Variants in PDE4B observed in about 807,000 individuals in gnomAD.
The protein encoded by PDE4B is phosphodiesterase 4B, also known as 3',5'-cyclic-AMP phosphodiesterase 4B.
A neutral mutation model predicts 82.2 loss-of-function variants in PDE4B; 20 were observed. The ratio of observed to expected loss-of-function variants is 0.24; its 90% confidence interval spans 0.17 to 0.35. The LOEUF (loss-of-function observed/expected upper bound fraction) is 0.35, where lower values mean the gene tolerates loss of function less well. PDE4B is among the 10% of genes least tolerant of loss of function. The pLI is 1.00. For missense variants in PDE4B, 655 were observed against 907.2 expected (o/e 0.72, Z 3.57); for synonymous variants, 320 against 318.9 (o/e 1.00, Z -0.04).
chr1:66,210,167 C>T (rs1490014876), intron 3 of PDE4B, among the ~76,000 whole-genome samples: 2 of 152,184 alleles, frequency 1.3e-5, no homozygotes, highest in African/African-American at 4.8e-5. Flanking sequence ...GCCGTGTGCA[C>T]TGAGAAAAAT....
intron 3 of PDE4B, among the ~76,000 whole-genome samples, chr1:66,174,110 T>G (rs1445320480): frequency 6.6e-6 from 1 of 152,174 alleles, no homozygotes. Flanking sequence ...TTACTTTACC[T>G]ACAAATTTTT....
chr1:66,164,535 C>CAAAAAAAAAAAAAA (rs10718019), intron 3 of PDE4B, among the ~76,000 whole-genome samples: 36 of 48,558 alleles, frequency 7.4e-4, no homozygotes, highest in Non-Finnish European at 9.6e-4. Flanking sequence ...GACTCCGTCT[C>CAAAAAAAAAAAAAA]AAAAAAAAAA....
chr1:66,272,056 T>A (rs1347894616), intron 7 of PDE4B, among the ~76,000 whole-genome samples: 1 of 152,174 alleles, frequency 6.6e-6, no homozygotes, highest in Non-Finnish European at 1.5e-5. Context: ...AAGCTTCACT[T>A]CTCTCAGCTG....
intron 1 of PDE4B, among the ~76,000 whole-genome samples, chr1:65,861,695 C>T (rs1646456418): frequency 6.6e-6 from 1 of 152,076 alleles, no homozygotes; most frequent in Admixed American, 6.6e-5. Flanking sequence ...GAATATTTTT[C>T]CATTTGTTTG....
rs536993079 is a variant in PDE4B at position 66,172,537 on chromosome 1, A to G, written c.282-74923A>G. Among the ~76,000 whole-genome samples, 35 of 152,342 alleles carry G rather than the reference A, an allele frequency of 2.3e-4. No individual in the cohort carries two copies. The East Asian group carries it at 6.4e-3, about 28-fold the overall frequency. ...TTGAGAAATTTCCAAACTGCTTTCC[A>G]CAGTGGCTGACCTAATTTACATTCT... On this transcript the variant is annotated intron_variant, in intron 3 of 16. Transcript: ENST00000341517.
At chr1:66,148,450 G>T (rs1485120380) in intron 3 of PDE4B, among the ~76,000 whole-genome samples, 3 of 152,022 alleles carry the variant, frequency 2.0e-5, no homozygotes, top group Non-Finnish European at 4.4e-5. Flanking sequence ...TAATGTCCAT[G>T]TCTTACTTTC....
At chr1:65,938,117 C>A (rs1436844298) in intron 3 of PDE4B, among the ~76,000 whole-genome samples, 1 of 152,166 alleles carries the variant, frequency 6.6e-6, no homozygotes, top group African/African-American at 2.4e-5. Flanking sequence ...CAGTTTCCCA[C>A]CTATCTTCCT....
intron 3 of PDE4B, among the ~76,000 whole-genome samples, chr1:66,140,977 G>A (rs375076317): frequency 1.2e-4 from 19 of 152,094 alleles, no homozygotes; most frequent in East Asian, 7.7e-4. Flanking sequence ...TTAGGTCTCT[G>A]TCTGAATACA....
chr1:66,165,627 AT>A (rs561093475), intron 3 of PDE4B, among the ~76,000 whole-genome samples: 184 of 152,294 alleles, frequency 1.2e-3, no homozygotes, highest in Non-Finnish European at 2.1e-3. Flanking sequence ...AATTAAAAAA[AT>A]AATTCCCTTT....
chr1:65,841,235 T>C (rs1646202955), intron 1 of PDE4B, among the ~76,000 whole-genome samples: 1 of 151,782 alleles, frequency 6.6e-6, no homozygotes, highest in South Asian at 2.1e-4. Context: ...GAGGCAGAGG[T>C]TGTAGTGAGC....
At chr1:66,046,932 TC>T in intron 3 of PDE4B, among the ~76,000 whole-genome samples, 1 of 152,020 alleles carries the variant, frequency 6.6e-6, no homozygotes, top group Admixed American at 6.6e-5. Flanking sequence ...GATAAACTTT[TC>T]TGAACTTTAA....
At chr1:66,174,995 G>A (rs1355699186) in intron 3 of PDE4B, among the ~76,000 whole-genome samples, 1 of 152,086 alleles carries the variant, frequency 6.6e-6, no homozygotes, top group East Asian at 1.9e-4. Context: ...AATCTCATGA[G>A]CTGTCCCTCA....
At chr1:65,990,858 A>G (rs945587536) in intron 3 of PDE4B, among the ~76,000 whole-genome samples, 6 of 152,070 alleles carry the variant, frequency 3.9e-5, no homozygotes, top group Admixed American at 2.6e-4. Flanking sequence ...AAATTCTATA[A>G]CTGTGCTTTT....
chr1:66,321,461 C>G (rs950800641), intron 7 of PDE4B, among the ~76,000 whole-genome samples: 2 of 152,142 alleles, frequency 1.3e-5, no homozygotes, highest in Non-Finnish European at 2.9e-5. Flanking sequence ...TTAGTCCATT[C>G]TTGCTTCTAT....
chr1:66,335,877 T>C (rs1660476850), intron 8 of PDE4B, among the ~76,000 whole-genome samples: 1 of 152,216 alleles, frequency 6.6e-6, no homozygotes, highest in South Asian at 2.1e-4. Flanking sequence ...TGTTCATTAA[T>C]TTTGTGTTTC....
At chr1:66,074,497 A>G (rs1656316242) in intron 3 of PDE4B, among the ~76,000 whole-genome samples, 1 of 152,136 alleles carries the variant, frequency 6.6e-6, no homozygotes, top group Non-Finnish European at 1.5e-5. Flanking sequence ...AATATTTACC[A>G]TTTTAACCAC....
chr1:65,905,473 A>C (rs1023809833), intron 1 of PDE4B, among the ~76,000 whole-genome samples: 1 of 152,082 alleles, frequency 6.6e-6, no homozygotes, highest in Non-Finnish European at 1.5e-5. Flanking sequence ...TAGGAAGTTG[A>C]GGTTTAAAAG....
chr1:66,145,057 G>A (rs1646242654), intron 3 of PDE4B, among the ~76,000 whole-genome samples: 1 of 152,192 alleles, frequency 6.6e-6, no homozygotes, highest in Non-Finnish European at 1.5e-5. Context: ...GCCGTGAGTA[G>A]CAATCTACAA....
At chr1:66,255,497 A>G (rs1235697413) in intron 4 of PDE4B, among the ~76,000 whole-genome samples, 1 of 152,202 alleles carries the variant, frequency 6.6e-6, no homozygotes, top group Non-Finnish European at 1.5e-5. Context: ...AAATGTCTAT[A>G]GCTAATATGC....
Sources: allele counts gnomAD v4.1 joint callset (sites outside exome capture counted in the v4.1 genomes callset), GRCh38; gene constraint gnomAD v4.1.1; transcripts MANE v1.5; gene names NCBI Gene and HGNC (gene_info 2026-07-23, HGNC 2026-07-21).